The following BNC2 variants were observed in gnomAD, a reference collection of about 807,000 sequenced individuals.
The protein encoded by BNC2 is basonuclin zinc finger protein 2, also known as zinc finger protein basonuclin-2.
In BNC2, 20 loss-of-function variants were observed where a neutral mutation model predicts 76.3. That is an observed-to-expected ratio of 0.26 (90% confidence interval 0.18 to 0.38). The LOEUF (loss-of-function observed/expected upper bound fraction) is 0.38. Among genes scored for constraint, BNC2 ranks in the 10% least tolerant of loss-of-function variants. The pLI, the probability that BNC2 is intolerant of heterozygous loss-of-function variation, is 1.00. For missense variants in BNC2, 1,382 were observed against 1,399.8 expected, an observed-to-expected ratio of 0.99 and a Z score of 0.20; for synonymous variants, 582 against 514.8, an observed-to-expected ratio of 1.13 and a Z score of -1.77.
chr9:16,626,118 A>G (rs1231798948), intron 3 of BNC2: 2 of 152,162 alleles, frequency 1.3e-5, no homozygotes, highest in Admixed American at 6.5e-5. Context: ...TTTAGCACAG[A>G]CATGTGTACT....
intron 5 of BNC2, among the ~76,000 whole-genome samples, chr9:16,463,671 T>C (rs1821638778): frequency 6.6e-6 from 1 of 152,174 alleles, no homozygotes; most frequent in African/African-American, 2.4e-5. Context: ...CAGAATTAAA[T>C]TTCCATTTGT....
At chr9:16,502,525 T>C (rs1822540236) in intron 5 of BNC2, among the ~76,000 whole-genome samples, 1 of 151,936 alleles carries the variant, frequency 6.6e-6, no homozygotes, top group East Asian at 2.0e-4. Flanking sequence ...TTAGACACAT[T>C]TCCACACTGT....
At chr9:16,833,550 G>A (rs1465126865) in intron 1 of BNC2, among the ~76,000 whole-genome samples, 1 of 152,174 alleles carries the variant, frequency 6.6e-6, no homozygotes. Context: ...AGGGCAAAGA[G>A]CAATTTTTTT....
chr9:16,812,950 T>TA (rs1818088727), intron 1 of BNC2, among the ~76,000 whole-genome samples: 1 of 152,178 alleles, frequency 6.6e-6, no homozygotes, highest in South Asian at 2.1e-4. Flanking sequence ...GGCTCACGTC[T>TA]GTAATCCCAG....
At chr9:16,803,555 G>A (rs1198499251) in intron 1 of BNC2, among the ~76,000 whole-genome samples, 1 of 152,194 alleles carries the variant, frequency 6.6e-6, no homozygotes, top group Non-Finnish European at 1.5e-5. Flanking sequence ...TTGCAATGAA[G>A]GGAAGGACAT....
intron 3 of BNC2, among the ~76,000 whole-genome samples, chr9:16,708,642 G>A (rs1823747902): frequency 6.6e-6 from 1 of 152,136 alleles, no homozygotes; most frequent in African/African-American, 2.4e-5. Context: ...CCACAGGAAG[G>A]GCGGGGTGAG....
intron 1 of BNC2, among the ~76,000 whole-genome samples, chr9:16,830,465 G>C (rs1818555120): frequency 6.6e-6 from 1 of 152,176 alleles, no homozygotes; most frequent in African/African-American, 2.4e-5. Context: ...GTAAATATTT[G>C]ATATACTATA....
In BNC2 at chr9:16,788,445, C is replaced by G. The variant is rs1182698232; in HGVS notation, c.4-49960G>C. 3.3e-5 allele frequency among the ~76,000 whole-genome samples: 5 copies of G among 150,508 alleles called. No individual in the cohort carries two copies. In the East Asian group the frequency reaches 1.0e-3, roughly 30 times the overall value. On this transcript the variant is annotated intron_variant, in intron 1 of 6. Coordinates refer to ENST00000380672, the MANE Select transcript of BNC2 (RefSeq NM_017637.6). ...GTAGGCTCCTGTAATTCCAGCTACT[C>G]GGGAGGCTAAGGCAGGAGAATGGCG...
chr9:16,513,427 C>T (rs189177845), intron 5 of BNC2, among the ~76,000 whole-genome samples: 3 of 151,504 alleles, frequency 2.0e-5, no homozygotes, highest in Non-Finnish European at 4.4e-5. Flanking sequence ...CTGCCTCAGC[C>T]TCCCGAGTAG....
intron 5 of BNC2, among the ~76,000 whole-genome samples, chr9:16,473,788 A>T (rs1821872856): frequency 6.6e-6 from 1 of 152,020 alleles, no homozygotes; most frequent in Non-Finnish European, 1.5e-5. Context: ...CAGGAGAATC[A>T]CTCGAACCCA....
chr9:16,583,182 G>T, intron 3 of BNC2, 97 bp from the exon 4 acceptor site: 1 of 995,006 alleles, frequency 1.0e-6, no homozygotes, highest in South Asian at 1.3e-5. Context: ...TATTTTTAAA[G>T]ATTTTATGAT....
chr9:16,788,540 A>T (rs895295289), intron 1 of BNC2, among the ~76,000 whole-genome samples: 1 of 148,450 alleles, frequency 6.7e-6, no homozygotes, highest in Non-Finnish European at 1.5e-5. Flanking sequence ...GCGACAGAGC[A>T]ACACTCCTTC....
intron 3 of BNC2, among the ~76,000 whole-genome samples, chr9:16,653,034 T>A (rs1821835857): frequency 6.6e-6 from 1 of 152,296 alleles, no homozygotes; most frequent in African/African-American, 2.4e-5. Context: ...TTTCTATTTA[T>A]ATTAGATGAT....
chr9:16,856,859 A>C (rs1819270887), intron 1 of BNC2, among the ~76,000 whole-genome samples: 1 of 152,148 alleles, frequency 6.6e-6, no homozygotes, highest in Non-Finnish European at 1.5e-5. Flanking sequence ...CTCCAATCCT[A>C]GATGGTGAAA....
intron 5 of BNC2, among the ~76,000 whole-genome samples, chr9:16,547,513 G>T (rs1413877898): frequency 6.6e-6 from 1 of 152,190 alleles, no homozygotes; most frequent in African/African-American, 2.4e-5. Context: ...GAGGAGGCCA[G>T]AAAAATAAAC....
At chr9:16,699,791 A>C (rs1823453321) in intron 3 of BNC2, among the ~76,000 whole-genome samples, 1 of 152,246 alleles carries the variant, frequency 6.6e-6, no homozygotes, top group Non-Finnish European at 1.5e-5. Context: ...GTTCAAATGC[A>C]GGTAAATCTA....
chr9:16,753,965 G>A (rs1168173215), intron 1 of BNC2, among the ~76,000 whole-genome samples: 1 of 152,162 alleles, frequency 6.6e-6, no homozygotes, highest in Non-Finnish European at 1.5e-5. Flanking sequence ...GCAGACACTT[G>A]GTACTTGTGT....
chr9:16,485,335 T>G (rs570263039), intron 5 of BNC2, among the ~76,000 whole-genome samples: 1 of 152,324 alleles, frequency 6.6e-6, no homozygotes, highest in African/African-American at 2.4e-5. Flanking sequence ...CCTGCTCTGA[T>G]TAAGTCTCTT....
chr9:16,814,227 C>T (rs2135883301), intron 1 of BNC2, among the ~76,000 whole-genome samples: 1 of 152,326 alleles, frequency 6.6e-6, no homozygotes, highest in Admixed American at 6.5e-5. Flanking sequence ...GTAAAGAATA[C>T]AGGAGGGTAC....
Sources: gnomAD v4.1 joint callset for allele counts (sites outside exome capture counted in the v4.1 genomes callset) on GRCh38, gnomAD v4.1.1 for gene constraint, MANE v1.5 for transcripts, NCBI Gene and HGNC (gene_info 2026-07-23, HGNC 2026-07-21) for gene names.